The following TMPRSS15 variants were observed in gnomAD, a reference collection of about 807,000 sequenced individuals.
TMPRSS15 encodes enteropeptidase.
Under a neutral mutation model 125.3 loss-of-function variants are expected in TMPRSS15, and 128 were observed. The ratio of observed to expected loss-of-function variants is 1.02; its 90% CI spans 0.89 to 1.18. TMPRSS15 has a LOEUF of 1.18. Ranked by LOEUF, TMPRSS15 falls within the 50% of genes most tolerant of loss-of-function variation. The probability of loss-of-function intolerance (pLI) is 0.00; values close to 1 mark genes in which losing one functional copy is unlikely to be tolerated. For synonymous variants in TMPRSS15, 446 were observed against 423.2 expected (o/e 1.05, Z -0.66); for missense variants, 1,283 against 1,212.7 (o/e 1.06, Z -0.86).
intron 5 of TMPRSS15, among the ~76,000 whole-genome samples, chr21:18,377,359 C>A (rs577511302): frequency 4.0e-5 from 6 of 151,714 alleles, no homozygotes; most frequent in Admixed American, 1.3e-4. Context: ...AAGAAAGTAT[C>A]CAAATAGTTG....
intron 5 of TMPRSS15, among the ~76,000 whole-genome samples, chr21:18,374,838 T>C (rs2075827890): frequency 6.6e-6 from 1 of 152,160 alleles, no homozygotes; most frequent in Admixed American, 6.5e-5. Context: ...ACTCAATTAC[T>C]ACTTTACAGG....
chr21:18,320,782 A>AT (rs2075225267), intron 16 of TMPRSS15, among the ~76,000 whole-genome samples: 1 of 152,182 alleles, frequency 6.6e-6, no homozygotes, highest in South Asian at 2.1e-4. Flanking sequence ...CTGGATTCTG[A>AT]TTTTTTGCAA....
intron 1 of TMPRSS15, among the ~76,000 whole-genome samples, chr21:18,445,312 C>G (rs2076252995): frequency 1.3e-5 from 2 of 151,372 alleles, no homozygotes; most frequent in African/African-American, 2.4e-5. Flanking sequence ...TCCCGAATAG[C>G]TGAGATTACA....
At chr21:18,288,685 C>G (rs1212514385) in intron 21 of TMPRSS15, among the ~76,000 whole-genome samples, 1 of 151,656 alleles carries the variant, frequency 6.6e-6, no homozygotes, top group Non-Finnish European at 1.5e-5. Context: ...GGACTACAGG[C>G]GCATGCTGCC....
intron 17 of TMPRSS15, 140 bp from the exon 18 acceptor site, chr21:18,313,217 T>C (rs902850378): frequency 3.1e-5 from 22 of 708,568 alleles, no homozygotes; most frequent in African/African-American, 5.3e-5. Flanking sequence ...ACTGTGACTA[T>C]AGTTAATAAT....
chr21:18,479,749 A>G (rs2123290495), intron 1 of TMPRSS15, among the ~76,000 whole-genome samples: 1 of 152,170 alleles, frequency 6.6e-6, no homozygotes, highest in African/African-American at 2.4e-5. Context: ...CAGATGCTGG[A>G]GAGGATGTGG....
At chr21:18,372,393 C>T (rs907813869) in intron 5 of TMPRSS15, 69 bp from the exon 6 acceptor site, 1 of 1,426,036 alleles carries the variant, frequency 7.0e-7, no homozygotes. Flanking sequence ...TTTAATAGGC[C>T]TTTTTGCCAC....
chr21:18,462,503 A>C (rs1055240888), intron 1 of TMPRSS15, among the ~76,000 whole-genome samples: 2 of 152,142 alleles, frequency 1.3e-5, no homozygotes, highest in Non-Finnish European at 2.9e-5. Flanking sequence ...TGAGTTTGTA[A>C]ATGGCCATAT....
intron 21 of TMPRSS15, among the ~76,000 whole-genome samples, chr21:18,288,496 G>T (rs2074791980): frequency 6.8e-6 from 1 of 148,010 alleles, no homozygotes; most frequent in African/African-American, 2.5e-5. Context: ...ATTTAAAAGA[G>T]AAGTCTCTAT....
chr21:18,405,668 T>G (rs962111008), upstream of TMPRSS15, among the ~76,000 whole-genome samples: 6 of 152,138 alleles, frequency 3.9e-5, no homozygotes, highest in Non-Finnish European at 5.9e-5. Context: ...CTTCAATACA[T>G]AGCGCCGCAT....
chr21:18,406,562 C>T (rs567088523), upstream of TMPRSS15, among the ~76,000 whole-genome samples: 1 of 152,048 alleles, frequency 6.6e-6, no homozygotes, highest in Non-Finnish European at 1.5e-5. Context: ...AACAGGAGCA[C>T]ACAAATGTCT....
chr21:18,328,285 AT>A (rs1433889022), intron 15 of TMPRSS15, among the ~76,000 whole-genome samples: 6 of 152,186 alleles, frequency 3.9e-5, no homozygotes, highest in African/African-American at 1.2e-4. Context: ...AAACTGGTCA[AT>A]TTTTTGAAGC....
chr21:18,361,377 G>C (rs1285220226), intron 7 of TMPRSS15, among the ~76,000 whole-genome samples: 5 of 152,086 alleles, frequency 3.3e-5, no homozygotes, highest in African/African-American at 7.2e-5. Context: ...CCTTGGGCAT[G>C]AGTTTGGCTA....
intron 8 of TMPRSS15, 128 bp downstream of exon 8, chr21:18,359,629 G>GT (rs980972927): frequency 0.028 from 12,738 of 459,440 alleles, 21 homozygotes; most frequent in South Asian, 0.035. Flanking sequence ...AGAAGCAATT[G>GT]TTTTTTTTTT....
Position 18,315,193 on chromosome 21 carries a change from C to A in TMPRSS15, c.1985G>T (p.Cys662Phe). The change falls in exon 17 of 25, where the codon TGT (cysteine) becomes TTT (phenylalanine). Residue 662 changes from cysteine to phenylalanine, a missense_variant. By Grantham distance (205) the Cys-to-Phe change is radical. Transcript: ENST00000284885. ...NGECVPLVNLCDGHLHCEDGS... is the reference protein window; with the variant it reads ...NGECVPLVNLFDGHLHCEDGS... ...ATCCTCACAGTGCAGATGACCGTCA[C>A]AGAGATTCACCAGTGGAACACACTC... 2 of 1,613,936 alleles carry A rather than the reference C, an allele frequency of 1.2e-6. No homozygotes were observed. The highest frequency in any genetic ancestry group is 1.6e-4 in the Middle Eastern group (1 of 6,062).
chr21:18,436,236 T>C (rs1392950210), intron 1 of TMPRSS15, among the ~76,000 whole-genome samples: 1 of 151,510 alleles, frequency 6.6e-6, no homozygotes, highest in African/African-American at 2.4e-5. Flanking sequence ...GGTGTCAATT[T>C]TGGATCTTTC....
chr21:18,433,326 G>C (rs1400071064), intron 1 of TMPRSS15, among the ~76,000 whole-genome samples: 2 of 152,122 alleles, frequency 1.3e-5, no homozygotes, highest in African/African-American at 4.8e-5. Flanking sequence ...TGCAACTCTT[G>C]TGTTGAAAAT....
At chr21:18,402,923 T>C (rs1007236995) in intron 1 of TMPRSS15, among the ~76,000 whole-genome samples, 2 of 152,226 alleles carry the variant, frequency 1.3e-5, no homozygotes. Context: ...TCATTTCTTA[T>C]GCTTTTTCTG....
At chr21:18,436,846 G>A (rs1334656840) in intron 1 of TMPRSS15, among the ~76,000 whole-genome samples, 33 of 4,496 alleles carry the variant, frequency 7.3e-3, no homozygotes, top group South Asian at 0.1. Context: ...AATCAATATC[G>A]TGAAAATGGC....
Sources: allele counts gnomAD v4.1 joint callset (sites outside exome capture counted in the v4.1 genomes callset), GRCh38; gene constraint gnomAD v4.1.1; transcripts MANE v1.5; gene names NCBI Gene and HGNC (gene_info 2026-07-23, HGNC 2026-07-21).